Variants in PDE3A observed in about 807,000 individuals in gnomAD.
PDE3A encodes phosphodiesterase 3A.
Under a neutral mutation model 98.3 loss-of-function variants are expected in PDE3A, and 43 were observed. That is an observed-to-expected ratio of 0.44 (90% CI 0.34 to 0.56). The LOEUF is 0.56. Among genes scored for constraint, PDE3A ranks in the 20% least tolerant of loss-of-function variants. The pLI is 0.01. For missense variants in PDE3A, 1,427 were observed against 1,440.7 expected (o/e 0.99, Z 0.15); for synonymous variants, 663 against 567.9 (o/e 1.17, Z -2.38).
At chr12:20,505,072 C>T (rs536725042) in intron 1 of PDE3A, among the ~76,000 whole-genome samples, 7 of 152,192 alleles carry the variant, frequency 4.6e-5, no homozygotes, top group South Asian at 4.1e-4. Flanking sequence ...TAGGCCAAAC[C>T]TGTCTGAGGT....
intron 1 of PDE3A, among the ~76,000 whole-genome samples, chr12:20,550,605 T>G (rs1271006627): frequency 6.6e-6 from 1 of 152,078 alleles, no homozygotes; most frequent in Non-Finnish European, 1.5e-5. Context: ...ATATCTACTA[T>G]GTAAGCATTC....
At chr12:20,425,924 G>T (rs1944594798) in intron 1 of PDE3A, among the ~76,000 whole-genome samples, 1 of 152,048 alleles carries the variant, frequency 6.6e-6, no homozygotes, top group Admixed American at 6.6e-5. Context: ...CTGTGCTTCA[G>T]TTTCTTCATT....
In PDE3A at chr12:20,552,080, G is replaced by A. The variant is rs1023251324; in HGVS notation, c.961-4580G>A. 5 of 1,612,548 alleles carry A rather than the reference G, an allele frequency of 3.1e-6. No individual in the cohort carries two copies. Among genetic ancestry groups the A allele is most frequent in the African/African-American group, 1.3e-5 (1 of 74,876 alleles). On this transcript the variant is annotated intron_variant, in intron 1 of 15. Coordinates refer to ENST00000359062, the MANE Select transcript of PDE3A (RefSeq NM_000921.5). The surrounding 1 kb of genome is among the most constrained non-coding windows in gnomAD (Gnocchi z 5.1). ...TTCACATACACGGGTAGTGGTGGTC[G>A]AGAGCTTTCCGGCAACAAGAGGACC...
intron 15 of PDE3A, among the ~76,000 whole-genome samples, chr12:20,669,101 G>A (rs1249608290): frequency 6.0e-5 from 9 of 150,508 alleles, no homozygotes; most frequent in South Asian, 2.1e-4. Context: ...CGGTATCAGC[G>A]ATGGAAGATG....
At chr12:20,527,197 C>T (rs571163774) in intron 1 of PDE3A, among the ~76,000 whole-genome samples, 49 of 152,022 alleles carry the variant, frequency 3.2e-4, no homozygotes, top group African/African-American at 1.1e-3. Flanking sequence ...CCACTGTGCC[C>T]GGCCGTGTTT....
At position 20,466,466 on chromosome 12, in the gene PDE3A, G is replaced by A. The variant is rs539101690; in HGVS notation, c.961-90194G>A. Among the ~76,000 whole-genome samples, 3 of 147,696 alleles carry A rather than the reference G, an allele frequency of 2.0e-5. No homozygotes were observed. In the East Asian group the frequency reaches 5.8e-4, roughly 29 times the overall value. The stretch of plus-strand genomic sequence containing the variant: ...TGCCATTCAGTAGACCATCTAACAG[G>A]GTGCGCTGAGTTGTATTTAAGTGAT... On this transcript the variant is annotated intron_variant, in intron 1 of 15. Coordinates refer to ENST00000359062, the MANE Select transcript of PDE3A (RefSeq NM_000921.5).
chr12:20,383,104 G>C (rs961597606), intron 1 of PDE3A, among the ~76,000 whole-genome samples: 7 of 151,780 alleles, frequency 4.6e-5, no homozygotes, highest in African/African-American at 1.7e-4. Context: ...GCTTAAGAGA[G>C]ATATTTAAAA....
chr12:20,437,626 C>T (rs976926283), intron 1 of PDE3A, among the ~76,000 whole-genome samples: 3 of 152,044 alleles, frequency 2.0e-5, no homozygotes, highest in African/African-American at 4.8e-5. Flanking sequence ...GCCACACACT[C>T]GTAAACAACC....
At position 20,394,343 on chromosome 12, in the gene PDE3A, A is replaced by G. The variant is rs1444494089; in HGVS notation, c.960+24099A>G. On this transcript the variant is annotated intron_variant, in intron 1 of 15. Transcript: ENST00000359062. The stretch of plus-strand genomic sequence containing the variant: ...TAACTTATAGGGAAATCATAAAAAC[A>G]GAACAGAGTGTAGTTAGAACACTGA... 2.0e-5 allele frequency among the ~76,000 whole-genome samples: 3 copies of G among 152,104 alleles called. No individual in the cohort carries two copies. In the East Asian group the frequency reaches 5.8e-4, roughly 29 times the overall value.
chr12:20,457,576 G>A (rs2120912395), intron 1 of PDE3A, among the ~76,000 whole-genome samples: 1 of 151,086 alleles, frequency 6.6e-6, no homozygotes, highest in South Asian at 2.1e-4. Flanking sequence ...ATTATATAAT[G>A]TTATCTTAGT....
intron 1 of PDE3A, among the ~76,000 whole-genome samples, chr12:20,543,238 A>G (rs1941965714): frequency 6.9e-6 from 1 of 145,566 alleles, no homozygotes; most frequent in African/African-American, 2.5e-5. Flanking sequence ...GAATTTTTGG[A>G]GTAAGTTTAT....
intron 15 of PDE3A, among the ~76,000 whole-genome samples, chr12:20,657,546 C>T (rs968499006): frequency 6.6e-6 from 1 of 152,162 alleles, no homozygotes; most frequent in African/African-American, 2.4e-5. Context: ...ATAATTAAAT[C>T]TGAAAGATTC....
At chr12:20,446,682 T>C (rs1944960870) in intron 1 of PDE3A, among the ~76,000 whole-genome samples, 1 of 152,186 alleles carries the variant, frequency 6.6e-6, no homozygotes, top group Non-Finnish European at 1.5e-5. Context: ...AGGTAAATCT[T>C]CTATTCATTT....
At chr12:20,631,016 C>A (rs757543146) in intron 6 of PDE3A, among the ~76,000 whole-genome samples, 3 of 152,058 alleles carry the variant, frequency 2.0e-5, no homozygotes, top group Non-Finnish European at 4.4e-5. Context: ...GAAATAGCAA[C>A]TTATATTAAG....
intron 2 of PDE3A, among the ~76,000 whole-genome samples, chr12:20,560,407 G>C (rs558264221): frequency 3.3e-5 from 5 of 152,264 alleles, no homozygotes; most frequent in African/African-American, 1.2e-4. Context: ...CCAAGGAGAG[G>C]AATGAAATCA....
intron 15 of PDE3A, among the ~76,000 whole-genome samples, chr12:20,661,290 T>C (rs1179249340): frequency 6.6e-6 from 1 of 152,180 alleles, no homozygotes; most frequent in Non-Finnish European, 1.5e-5. Flanking sequence ...AGGCATTCCA[T>C]TTTATAAGGG....
chr12:20,379,413 G>A (rs1286927330), intron 1 of PDE3A, among the ~76,000 whole-genome samples: 3 of 151,734 alleles, frequency 2.0e-5, no homozygotes, highest in Admixed American at 2.0e-4. Context: ...AGTTTGGAAG[G>A]GAGAGAGCCT....
At chr12:20,476,780 T>C (rs1945538693) in intron 1 of PDE3A, among the ~76,000 whole-genome samples, 1 of 152,178 alleles carries the variant, frequency 6.6e-6, no homozygotes, top group South Asian at 2.1e-4. Flanking sequence ...CAAAAAGATA[T>C]GACAACAAAA....
chr12:20,674,225 T>C (rs1417866294), intron 15 of PDE3A, among the ~76,000 whole-genome samples: 1 of 152,174 alleles, frequency 6.6e-6, no homozygotes, highest in East Asian at 1.9e-4. Context: ...TGATGGAGTC[T>C]ATGTTTTTCT....
Sources: allele counts gnomAD v4.1 joint callset (sites outside exome capture counted in the v4.1 genomes callset), GRCh38; gene constraint gnomAD v4.1.1; non-coding constraint Gnocchi (gnomAD v3.1); transcripts MANE v1.5; gene names NCBI Gene and HGNC (gene_info 2026-07-23, HGNC 2026-07-21).